Variants in RPS6KA2 observed in about 807,000 individuals in gnomAD.
The protein encoded by RPS6KA2 is ribosomal protein S6 kinase A2.
Under a neutral mutation model 91.8 loss-of-function variants are expected in RPS6KA2, and 42 were observed. The ratio of observed to expected loss-of-function variants is 0.46; its 90% CI spans 0.36 to 0.59. The LOEUF (loss-of-function observed/expected upper bound fraction) is 0.59, where lower values mean the gene tolerates loss of function less well. Ranked by LOEUF, RPS6KA2 falls within the 20% of genes least tolerant of loss-of-function variation. The pLI is 0.00. For synonymous variants in RPS6KA2, 414 were observed against 393.6 expected (o/e 1.05, Z -0.61); for missense variants, 798 against 978.5 (o/e 0.82, Z 2.46).
intron 16 of RPS6KA2, among the ~76,000 whole-genome samples, chr6:166,427,871 C>T (rs1370533806): frequency 6.6e-6 from 1 of 152,206 alleles, no homozygotes; most frequent in Non-Finnish European, 1.5e-5. Context: ...AATGGCCATA[C>T]TGCCCAAGCT....
At chr6:166,695,131 G>A (rs535891785) in intron 2 of RPS6KA2, among the ~76,000 whole-genome samples, 1 of 152,222 alleles carries the variant, frequency 6.6e-6, no homozygotes, top group Non-Finnish European at 1.5e-5. Context: ...TATGGCTGCT[G>A]TGCAGTGAGT....
At chr6:166,646,480 G>A (rs1213989180) in intron 2 of RPS6KA2, among the ~76,000 whole-genome samples, 1 of 152,220 alleles carries the variant, frequency 6.6e-6, no homozygotes, top group Admixed American at 6.5e-5. Context: ...GGAGCCAGTC[G>A]AGGTCAGCCT....
intron 15 of RPS6KA2, among the ~76,000 whole-genome samples, chr6:166,432,047 A>T (rs1312934521): frequency 6.6e-6 from 1 of 152,200 alleles, no homozygotes; most frequent in Admixed American, 6.5e-5. Flanking sequence ...ATAATGCTAG[A>T]ATCAGTTTGG....
At chr6:166,837,114 C>T (rs1277346893) in intron 2 of RPS6KA2, among the ~76,000 whole-genome samples, 1 of 152,192 alleles carries the variant, frequency 6.6e-6, no homozygotes, top group African/African-American at 2.4e-5. Flanking sequence ...CCGACGCTGT[C>T]CATTCTTGCT....
intron 2 of RPS6KA2, among the ~76,000 whole-genome samples, chr6:166,532,523 C>T (rs529725641): frequency 1.3e-3 from 202 of 152,254 alleles, no homozygotes; most frequent in Non-Finnish European, 2.6e-3. Context: ...CACCATGTGC[C>T]CCTGAAGTGA....
intron 6 of RPS6KA2, among the ~76,000 whole-genome samples, 176 bp from the exon 7 acceptor site, chr6:166,501,100 C>T (rs751175151): frequency 6.6e-6 from 1 of 152,154 alleles, no homozygotes; most frequent in Admixed American, 6.5e-5. Flanking sequence ...CATCCTGCCT[C>T]GCTTCTCCAC....
intron 1 of RPS6KA2, among the ~76,000 whole-genome samples, chr6:166,560,100 A>G (rs3799621): frequency 2.4e-3 from 363 of 152,296 alleles, no homozygotes; most frequent in East Asian, 0.012. Context: ...CATACCACAC[A>G]CTGTCAGGAC....
chr6:166,757,501 C>T, intron 2 of RPS6KA2: 1 of 456,106 alleles, frequency 2.2e-6, no homozygotes, highest in Non-Finnish European at 4.4e-6. Context: ...CCCTGGGACC[C>T]CCATTTCCTG....
chr6:166,678,119 C>T (rs997207967), intron 2 of RPS6KA2, among the ~76,000 whole-genome samples: 2 of 152,222 alleles, frequency 1.3e-5, no homozygotes, highest in African/African-American at 4.8e-5. Flanking sequence ...TTCATACCAA[C>T]AGCCCGGCTC....
chr6:166,517,783 G>GACCA (rs1782710918), intron 3 of RPS6KA2, among the ~76,000 whole-genome samples: 1 of 151,960 alleles, frequency 6.6e-6, no homozygotes, highest in African/African-American at 2.4e-5. Context: ...CCCACTTAAG[G>GACCA]CATTCTTAAA....
intron 19 of RPS6KA2, among the ~76,000 whole-genome samples, chr6:166,417,280 G>A (rs1778564805): frequency 6.6e-6 from 1 of 152,184 alleles, no homozygotes; most frequent in Non-Finnish European, 1.5e-5. Context: ...AAAGCATGGT[G>A]GTTAATTTTA....
intron 1 of RPS6KA2, among the ~76,000 whole-genome samples, chr6:166,859,454 A>G (rs184279409): frequency 1.1e-3 from 163 of 152,368 alleles, no homozygotes; most frequent in African/African-American, 3.8e-3. Context: ...TCAACTTGCC[A>G]GAACATAATT....
intron 2 of RPS6KA2, among the ~76,000 whole-genome samples, chr6:166,536,851 GA>G (rs1783496095): frequency 6.6e-6 from 1 of 152,214 alleles, no homozygotes; most frequent in Non-Finnish European, 1.5e-5. Context: ...GATAAAATTA[GA>G]AGTGGTGAAA....
intron 2 of RPS6KA2, among the ~76,000 whole-genome samples, chr6:166,791,350 C>A (rs1436669675): frequency 6.6e-6 from 1 of 152,048 alleles, no homozygotes; most frequent in African/African-American, 2.4e-5. Context: ...TACAGGAGCA[C>A]CCAGATTCAT....
At chr6:166,780,530 G>T (rs6456125) in intron 2 of RPS6KA2, among the ~76,000 whole-genome samples, 3 of 151,986 alleles carry the variant, frequency 2.0e-5, no homozygotes, top group Admixed American at 6.6e-5. Context: ...GCCCAGTCTC[G>T]GTGCCTTGTT....
intron 1 of RPS6KA2, among the ~76,000 whole-genome samples, chr6:166,623,916 C>T (rs1786737105): frequency 6.6e-6 from 1 of 152,158 alleles, no homozygotes; most frequent in Non-Finnish European, 1.5e-5. Context: ...TAAACTGTTT[C>T]CAAATATGAT....
intron 2 of RPS6KA2, among the ~76,000 whole-genome samples, chr6:166,654,075 C>A (rs187186838): frequency 6.6e-6 from 1 of 152,188 alleles, no homozygotes; most frequent in Non-Finnish European, 1.5e-5. Context: ...GTATTCTGAT[C>A]GAAAGTGAAC....
At chr6:166,669,790 C>G (rs1467110490) in intron 2 of RPS6KA2, among the ~76,000 whole-genome samples, 2 of 152,228 alleles carry the variant, frequency 1.3e-5, no homozygotes, top group Non-Finnish European at 2.9e-5. Context: ...TGCTCCCTGC[C>G]TCACCCCCTC....
chr6:166,839,186 C>A (rs915535710), intron 2 of RPS6KA2, among the ~76,000 whole-genome samples: 20 of 152,220 alleles, frequency 1.3e-4, no homozygotes, highest in African/African-American at 4.3e-4. Context: ...CGCTGGGGGA[C>A]CCGCGCGTAA....
Sources: gnomAD v4.1 joint callset for allele counts (sites outside exome capture counted in the v4.1 genomes callset) on GRCh38, gnomAD v4.1.1 for gene constraint, MANE v1.5 for transcripts, NCBI Gene and HGNC (gene_info 2026-07-23, HGNC 2026-07-21) for gene names.